RECQL5: variants seen among roughly 807,000 people sequenced by gnomAD.
RECQL5 encodes RecQ like helicase 5, also known as ATP-dependent DNA helicase Q5.
A neutral mutation model predicts 103.4 loss-of-function variants in RECQL5; 88 were observed. That is an observed-to-expected ratio of 0.85 (90% confidence interval 0.72 to 1.02). The LOEUF is 1.02. Among genes scored for constraint, RECQL5 ranks in the 50% least tolerant of loss-of-function variants. The probability of loss-of-function intolerance (pLI) is 0.00; values close to 1 mark genes in which losing one functional copy is unlikely to be tolerated. For missense variants in RECQL5, 1,232 were observed against 1,284.3 expected, an observed-to-expected ratio of 0.96 and a Z score of 0.62; for synonymous variants, 552 against 507.9, an observed-to-expected ratio of 1.09 and a Z score of -1.17.
chr17:75,655,214 G>GAT (rs2148325941), intron 7 of RECQL5, among the ~76,000 whole-genome samples: 1 of 152,326 alleles, frequency 6.6e-6, no homozygotes, highest in African/African-American at 2.4e-5. Context: ...TGGGATTACA[G>GAT]GAGCCCGCCA....
Position 75,627,018 on chromosome 17 carries a change from A to AT in RECQL5, c.*403dup. The AT allele has an allele frequency of 2.6e-6, 1 of 382,630 alleles. No homozygotes were observed. Among genetic ancestry groups the AT allele is most frequent in the Non-Finnish European group, 5.2e-6 (1 of 192,792 alleles). 23.7% of individuals were successfully genotyped at this position (382,630 alleles called of 1,614,324 possible). Reference sequence around the variant, plus strand: ...AGGCTGGAAGCTGGCATCGTAATGGATGGGGGAGTGGGTGGAGGATCTGAG... The same window carrying AT: ...AGGCTGGAAGCTGGCATCGTAATGGATTGGGGGAGTGGGTGGAGGATCTGAG... On this transcript the variant is annotated 3_prime_UTR_variant, in exon 20 of 20. Coordinates refer to ENST00000317905, the MANE Select transcript of RECQL5 (RefSeq NM_004259.7).
intron 8 of RECQL5, among the ~76,000 whole-genome samples, chr17:75,645,566 A>G (rs576929075): frequency 6.6e-6 from 1 of 152,364 alleles, no homozygotes; most frequent in South Asian, 2.1e-4. Flanking sequence ...GACTCTTGAT[A>G]AGCATCTGAC....
In RECQL5 at chr17:75,640,743, C is replaced by A. The variant is rs527721770; in HGVS notation, c.1230-9075G>T. On this transcript the variant is annotated intron_variant, in intron 8 of 19. Coordinates refer to ENST00000317905, the MANE Select transcript of RECQL5 (RefSeq NM_004259.7). This position sits in a 1 kb window ranked among gnomAD's most constrained non-coding sequence, Gnocchi z 4.6. Reference sequence around the variant, plus strand: ...GTTTCTCTGGGAGGAGGGTGGGCATCCTTTCTCTCCCCCAACCTGAGTCCC... The same window carrying A: ...GTTTCTCTGGGAGGAGGGTGGGCATACTTTCTCTCCCCCAACCTGAGTCCC... 598 of 1,530,670 alleles carry A rather than the reference C, an allele frequency of 3.9e-4. 3 individuals carry two copies. The East Asian group carries it at 0.014, about 35-fold the overall frequency. The allele number at this position is 1,530,670 out of a possible 1,614,324, so 94.8% of individuals were successfully genotyped here.
intron 6 of RECQL5, 75 bp downstream of exon 6, chr17:75,660,880 C>T: frequency 9.1e-7 from 1 of 1,097,912 alleles, no homozygotes; most frequent in Non-Finnish European, 1.4e-6. Flanking sequence ...GCACCTGGTC[C>T]TTTGGGCACA....
chr17:75,628,593 C>A, intron 17 of RECQL5, 79 bp downstream of exon 17: 1 of 1,513,632 alleles, frequency 6.6e-7, no homozygotes, highest in Non-Finnish European at 8.8e-7. Context: ...TTTCCCTGAC[C>A]CCTTGAGCAG....
Position 75,630,284 on chromosome 17 carries a change from G to T in RECQL5, c.1719-7C>A, listed in dbSNP as rs773813573. 2 of 1,549,964 alleles carry T rather than the reference G, an allele frequency of 1.3e-6. No individual in the cohort carries two copies. The highest frequency in any genetic ancestry group is 1.4e-5 in the African/African-American group (1 of 73,348). On this transcript the variant is annotated splice_polypyrimidine_tract_variant and splice_region_variant and intron_variant, in intron 13 of 19. Transcript: ENST00000317905. ...CTTGGCCCGGAGGTCAGCTCTGTGGGTGCAAGGTAACAGGCACAAGGTATC... is the reference window on the plus strand; with the variant it reads ...CTTGGCCCGGAGGTCAGCTCTGTGGTTGCAAGGTAACAGGCACAAGGTATC...
At chr17:75,632,327 A>G (rs1409575728) in intron 8 of RECQL5, among the ~76,000 whole-genome samples, 3 of 152,250 alleles carry the variant, frequency 2.0e-5, no homozygotes, top group Admixed American at 2.0e-4. Flanking sequence ...GCTGTAGCGC[A>G]TGGCCTGGGT....
rs376949859 is a variant in RECQL5 at position 75,628,268 on chromosome 17, C to T, written c.2755G>A (p.Val919Met). Residue 919 changes from valine (V) to methionine (M), a missense_variant, in exon 18 of 20, where the codon GTG (valine) becomes ATG (methionine). Transcript: ENST00000317905. ...TAGAAAGGGGTGAGGCACTTGACCA[C>T]AACATTTGCAGCCTCCTTCAAGGAG... ...GVSLKEAANV[V>M]VKCLTPFYKE... 50 of 1,614,176 alleles carry T rather than the reference C, an allele frequency of 3.1e-5. No homozygotes were observed. Among genetic ancestry groups the T allele is most frequent in the Non-Finnish European group, 3.9e-5 (46 of 1,180,016 alleles).
At chr17:75,633,659 G>C (rs1301399820) in intron 8 of RECQL5, 1 of 1,171,918 alleles carries the variant, frequency 8.5e-7, no homozygotes, top group Non-Finnish European at 1.1e-6. Flanking sequence ...AGGCCAGAGG[G>C]AGGGACCAGC....
In RECQL5 at chr17:75,629,000, TCCTC is replaced by T; in HGVS notation, c.2419_2422del (p.Glu807LysfsTer73). On this transcript the variant is annotated frameshift_variant, in exon 16 of 20. Coordinates refer to ENST00000317905, the MANE Select transcript of RECQL5 (RefSeq NM_004259.7). LOFTEE classifies it high-confidence loss of function. The stretch of plus-strand genomic sequence containing the variant: ...AGGCGAATGTCCCCCGGCTCCATCT[TCCTC>T]CCCTGTGTACTTCTCTGGGGCCATC... 1 of 1,564,212 alleles carries T rather than the reference TCCTC, an allele frequency of 6.4e-7. No individual in the cohort carries two copies. Among genetic ancestry groups the T allele is most frequent in the Non-Finnish European group, 8.6e-7 (1 of 1,158,038 alleles).
rs1568282408 is a variant in RECQL5 at position 75,658,463 on chromosome 17, G to GGGCAATATTCCAATGGGATTCCAA, written c.987-4_987-3insTTGGAATCCCATTGGAATATTGCC. On this transcript the variant is annotated splice_region_variant and splice_polypyrimidine_tract_variant and intron_variant, in intron 6 of 19. Coordinates refer to ENST00000317905, the MANE Select transcript of RECQL5 (RefSeq NM_004259.7). ...CAATATTCCAATGGGCGACAAACCT[G>GGGCAATATTCCAATGGGATTCCAA]TAGGATCCAAAGGGACAAGCAGCAT... is the stretch of plus-strand genomic sequence containing the variant. 6.2e-7 allele frequency: 1 copy of GGGCAATATTCCAATGGGATTCCAA among 1,613,254 alleles called. No individual in the cohort carries two copies. The highest frequency in any genetic ancestry group is 8.5e-7 in the Non-Finnish European group (1 of 1,179,494).
At chr17:75,641,244 T>C (rs374259953) in intron 8 of RECQL5, 1 of 228,708 alleles carries the variant, frequency 4.4e-6, no homozygotes, top group Non-Finnish European at 8.9e-6. Context: ...CTGTGGGCAA[T>C]TGGCCCTTGG....
intron 1 of RECQL5, 158 bp from the exon 2 acceptor site, chr17:75,666,729 A>G: frequency 1.5e-6 from 1 of 670,070 alleles, no homozygotes; most frequent in Admixed American, 3.0e-5. Flanking sequence ...TGCCTCAAGC[A>G]ATACATTCCT....
chr17:75,648,316 A>G (rs2059512654), intron 8 of RECQL5, among the ~76,000 whole-genome samples: 1 of 152,078 alleles, frequency 6.6e-6, no homozygotes, highest in South Asian at 2.1e-4. Context: ...GATTAGGGTA[A>G]GGCCACTTGT....
At chr17:75,634,330 C>A in intron 8 of RECQL5, 1 of 908,482 alleles carries the variant, frequency 1.1e-6, no homozygotes, top group Non-Finnish European at 1.3e-6. Flanking sequence ...TGGGTCGCTT[C>A]CCTGCAGGGA....
chr17:75,629,464 C>A lies in RECQL5; in HGVS notation c.1959G>T (p.Lys653Asn). 6.7e-7 allele frequency: 1 copy of A among 1,502,938 alleles called. No homozygotes were observed. Among genetic ancestry groups the A allele is most frequent in the Non-Finnish European group, 8.9e-7 (1 of 1,126,598 alleles). The allele number at this position is 1,502,938 out of a possible 1,614,324, so 93.1% of individuals were successfully genotyped here. ...PASHVYSLKP[K>N]RVGAGFPKGS... ...CTTTGGGGAAACCAGCTCCCACCCG[C>A]TTGGGTTTGAGCTGTAAATGTGAGC... The change falls in exon 16 of 20, where the codon AAG (lysine) becomes AAT (asparagine). Residue 653 changes from lysine (K) to asparagine (N), a missense_variant. Coordinates refer to ENST00000317905, the MANE Select transcript of RECQL5 (RefSeq NM_004259.7).
intron 7 of RECQL5, among the ~76,000 whole-genome samples, chr17:75,654,227 G>T (rs971450405): frequency 5.9e-5 from 9 of 152,098 alleles, no homozygotes; most frequent in African/African-American, 2.2e-4. Flanking sequence ...CATTTACTTA[G>T]ATTTCAGTAT....
Position 75,629,700 on chromosome 17 carries a change from C to T in RECQL5, c.1947+8G>A, listed in dbSNP as rs200599395. 23 of 1,601,834 alleles carry T rather than the reference C, an allele frequency of 1.4e-5. No homozygotes were observed. Among genetic ancestry groups the T allele is most frequent in the Middle Eastern group, 3.3e-4 (2 of 6,006 alleles). The stretch of plus-strand genomic sequence containing the variant: ...CACAGGTCTGGAGGCCACTGGGCCA[C>T]AGCTCACCGAGTACACATGGGAGGC... On this transcript the variant is annotated splice_region_variant and intron_variant, in intron 15 of 19. Transcript: ENST00000317905.
intron 8 of RECQL5, chr17:75,650,691 ACT>A (rs1318439291): frequency 6.2e-7 from 1 of 1,613,662 alleles, no homozygotes; most frequent in Non-Finnish European, 8.5e-7. Context: ...CAGCCCTCAG[ACT>A]CTTTCCGTGG....
Sources: allele counts gnomAD v4.1 joint callset (sites outside exome capture counted in the v4.1 genomes callset), GRCh38; gene constraint gnomAD v4.1.1; non-coding constraint Gnocchi (gnomAD v3.1); transcripts MANE v1.5; gene names NCBI Gene and HGNC (gene_info 2026-07-23, HGNC 2026-07-21).